Variants in FRMPD2 observed in about 807,000 individuals in gnomAD.
FRMPD2 encodes the protein FERM and PDZ domain containing 2, also known as FERM and PDZ domain-containing protein 2.
FRMPD2 carries 96 observed loss-of-function variants against 140.1 expected under a neutral mutation model. The observed-to-expected ratio is 0.69, with a 90% CI of 0.58 to 0.81. FRMPD2 has a LOEUF of 0.81. Among genes scored for constraint, FRMPD2 ranks in the 40% least tolerant of loss-of-function variants. FRMPD2 has a pLI of 0.00. For synonymous variants in FRMPD2, 449 were observed against 547.6 expected (o/e 0.82, Z 2.52); for missense variants, 1,240 against 1,447.4 (o/e 0.86, Z 2.32).
At chr10:48,174,438 G>C (rs1430481433) in intron 24 of FRMPD2, among the ~76,000 whole-genome samples, 1 of 152,226 alleles carries the variant, frequency 6.6e-6, no homozygotes, top group Admixed American at 6.5e-5. Context: ...GTACAACACA[G>C]GGTGAGGGGG....
intron 21 of FRMPD2, among the ~76,000 whole-genome samples, chr10:48,179,433 G>C (rs1380980830): frequency 6.6e-6 from 1 of 150,848 alleles, no homozygotes; most frequent in Non-Finnish European, 1.5e-5. Context: ...CAGGGACTGA[G>C]AGAGGAATCT....
At chr10:48,212,207 G>A in intron 12 of FRMPD2, 98 bp from the exon 13 acceptor site, 1 of 1,270,470 alleles carries the variant, frequency 7.9e-7, no homozygotes. Flanking sequence ...ATTCCAGGAG[G>A]GCGCCAGAGA....
intron 1 of FRMPD2, among the ~76,000 whole-genome samples, chr10:48,267,282 C>A (rs1313371946): frequency 6.6e-6 from 1 of 152,030 alleles, no homozygotes; most frequent in African/African-American, 2.4e-5. Context: ...CAATGACAAG[C>A]ACAATAAAAA....
At chr10:48,251,470 T>C (rs1389751781) in intron 2 of FRMPD2, 96 bp downstream of exon 2, 1 of 1,482,956 alleles carries the variant, frequency 6.7e-7, no homozygotes, top group Non-Finnish European at 9.3e-7. Context: ...CTCTCAGAGG[T>C]TGATTTAAAA....
chr10:48,241,703 G>A (rs1045366497), intron 5 of FRMPD2, among the ~76,000 whole-genome samples: 2 of 152,216 alleles, frequency 1.3e-5, no homozygotes, highest in Admixed American at 6.5e-5. Context: ...GCAGCACAGT[G>A]TGACAAGCAC....
chr10:48,253,394 G>T (rs1840429425), intron 1 of FRMPD2, among the ~76,000 whole-genome samples: 1 of 152,042 alleles, frequency 6.6e-6, no homozygotes, highest in South Asian at 2.1e-4. Flanking sequence ...CACAAACAAG[G>T]ACTGCCCAAT....
At chr10:48,195,924 T>C (rs1029860483) in intron 15 of FRMPD2, among the ~76,000 whole-genome samples, 3 of 152,218 alleles carry the variant, frequency 2.0e-5, no homozygotes, top group Non-Finnish European at 4.4e-5. Flanking sequence ...GGCAGAATAA[T>C]ACAGGTGAGA....
Position 48,192,684 on chromosome 10 carries a change from C to T in FRMPD2, c.2165G>A (p.Ser722Asn). 1 of 1,613,860 alleles carries T rather than the reference C, an allele frequency of 6.2e-7. No individual in the cohort carries two copies. The highest frequency in any genetic ancestry group is 8.5e-7 in the Non-Finnish European group (1 of 1,179,890). ...KEAGAEGIGRSPCTGREQLKS... is the reference protein window; with the variant it reads ...KEAGAEGIGRNPCTGREQLKS... ...CAGAGAACAAATGTGTCACACCCAC[C>T]TGCGCCCGATGCCTTCTGCTCCAGC... is the stretch of plus-strand genomic sequence containing the variant. The change falls in exon 16 of 29, where the codon AGC (serine) becomes AAC (asparagine). Residue 722 changes from serine (S) to asparagine (N), a missense_variant and splice_region_variant. This residue lies in a region of FRMPD2 where 1,161 missense variants were observed against 1,055.9 expected (regional missense o/e 1.10). Transcript: ENST00000374201.
intron 12 of FRMPD2, among the ~76,000 whole-genome samples, chr10:48,217,449 G>A (rs1463462908): frequency 6.6e-6 from 1 of 152,184 alleles, no homozygotes; most frequent in African/African-American, 2.4e-5. Flanking sequence ...GCTGTACCGG[G>A]AGGAAAGCAA....
chr10:48,203,751 TA>T (rs1839139948), intron 14 of FRMPD2, among the ~76,000 whole-genome samples: 1 of 152,162 alleles, frequency 6.6e-6, no homozygotes, highest in Admixed American at 6.5e-5. Context: ...TCCAGGGCCC[TA>T]ACTTCCTGGG....
intron 1 of FRMPD2, among the ~76,000 whole-genome samples, chr10:48,258,788 G>A (rs1840530538): frequency 6.6e-6 from 1 of 152,108 alleles, no homozygotes; most frequent in Non-Finnish European, 1.5e-5. Flanking sequence ...TCATTTAAAT[G>A]CATTTATTTT....
chr10:48,241,532 C>T (rs990115461), intron 5 of FRMPD2, among the ~76,000 whole-genome samples: 2 of 152,360 alleles, frequency 1.3e-5, no homozygotes, highest in East Asian at 1.9e-4. Flanking sequence ...AACTTGTCAG[C>T]TGTACTACCA....
chr10:48,167,988 G>A (rs1327952381), intron 27 of FRMPD2, among the ~76,000 whole-genome samples: 1 of 148,316 alleles, frequency 6.7e-6, no homozygotes, highest in Non-Finnish European at 1.5e-5. Context: ...AATTGGACTG[G>A]CCAGCCCTCA....
chr10:48,185,805 G>A (rs1342954448), intron 17 of FRMPD2, among the ~76,000 whole-genome samples, 160 bp from the exon 18 acceptor site: 2 of 152,186 alleles, frequency 1.3e-5, no homozygotes, highest in Non-Finnish European at 2.9e-5. Context: ...TCCCAGCAGT[G>A]CTGGGAATGG....
At position 48,237,558 on chromosome 10, in the gene FRMPD2, AG is replaced by A. The variant is rs111530671; in HGVS notation, c.921+432del. Among the ~76,000 whole-genome samples the A allele has an allele frequency of 5.3e-4, 80 of 152,122 alleles. 1 individual carries two copies. Among genetic ancestry groups the A allele is most frequent in the African/African-American group, 1.8e-3 (76 of 41,424 alleles). ...TTCCGCCTAACCCTATTACCCTCTT[AG>A]GGTTAGCCAGCTGGAAGGATAACTC... On this transcript the variant is annotated intron_variant, in intron 8 of 28. Coordinates refer to ENST00000374201, the MANE Select transcript of FRMPD2 (RefSeq NM_001018071.4).
At chr10:48,179,959 C>T (rs1838502092) in intron 21 of FRMPD2, among the ~76,000 whole-genome samples, 1 of 152,342 alleles carries the variant, frequency 6.6e-6, no homozygotes, top group African/African-American at 2.4e-5. Context: ...GGGCTGGAAA[C>T]ACTGGGTGCT....
At chr10:48,247,114 C>A (rs1840268125) in intron 3 of FRMPD2, among the ~76,000 whole-genome samples, 1 of 152,230 alleles carries the variant, frequency 6.6e-6, no homozygotes, top group African/African-American at 2.4e-5. Flanking sequence ...TTAACTCAAC[C>A]TATTAGTCTT....
chr10:48,266,466 G>C (rs1840679711), intron 1 of FRMPD2, among the ~76,000 whole-genome samples: 1 of 152,198 alleles, frequency 6.6e-6, no homozygotes, highest in Admixed American at 6.5e-5. Flanking sequence ...TATTAATCAA[G>C]ACAATGTGAT....
At position 48,184,562 on chromosome 10, in the gene FRMPD2, A is replaced by C; in HGVS notation, c.2584+4T>G. 2 of 1,578,394 alleles carry C rather than the reference A, an allele frequency of 1.3e-6. No individual in the cohort carries two copies. The highest frequency in any genetic ancestry group is 1.7e-6 in the Non-Finnish European group (2 of 1,147,636). ...TAAGCTCCCAAGAGTGGGTTAAAAC[A>C]TACCTTTTGACTGAGAAATAATTAA... On this transcript the variant is annotated splice_donor_region_variant and intron_variant, in intron 20 of 28. Transcript: ENST00000374201.
Sources: allele counts gnomAD v4.1 joint callset (sites outside exome capture counted in the v4.1 genomes callset), GRCh38; gene constraint gnomAD v4.1.1; regional missense constraint gnomAD v4.1.1; transcripts MANE v1.5; gene names NCBI Gene and HGNC (gene_info 2026-07-23, HGNC 2026-07-21).